The following LRP1B variants were observed in gnomAD, a reference collection of about 807,000 sequenced individuals.
LRP1B encodes the protein low-density lipoprotein receptor-related protein 1B.
LRP1B carries 217 observed loss-of-function variants against 556.6 expected under a neutral mutation model. The observed-to-expected ratio is 0.39, with a 90% confidence interval of 0.35 to 0.44. LRP1B has a LOEUF of 0.44. LRP1B is among the 20% of genes least tolerant of loss of function. The pLI, the probability that LRP1B is intolerant of heterozygous loss-of-function variation, is 1.00. For missense variants in LRP1B, 5,053 were observed against 5,620.8 expected (o/e 0.90, Z 3.23); for synonymous variants, 2,047 against 1,865.8 (o/e 1.10, Z -2.50).
At chr2:140,276,374 C>T (rs181085926) in intron 84 of LRP1B, among the ~76,000 whole-genome samples, 90 of 151,940 alleles carry the variant, frequency 5.9e-4, no homozygotes, top group African/African-American at 1.9e-3. Context: ...CCTATTAATA[C>T]GGGTTTTGGC....
chr2:140,330,241 T>TAAC (rs1433057086), intron 79 of LRP1B, among the ~76,000 whole-genome samples: 20 of 141,540 alleles, frequency 1.4e-4, no homozygotes. Flanking sequence ...ATAATAATAA[T>TAAC]ATGGAGCCAA....
chr2:141,868,747 G>A (rs1698490964), intron 1 of LRP1B, among the ~76,000 whole-genome samples: 2 of 152,082 alleles, frequency 1.3e-5, no homozygotes, highest in African/African-American at 4.8e-5. Flanking sequence ...TAATGGTGAA[G>A]ATTCTAACTT....
intron 41 of LRP1B, among the ~76,000 whole-genome samples, chr2:140,699,885 C>T (rs10197522): frequency 0.22 from 32,847 of 147,074 alleles, 4,378 homozygotes; most frequent in African/African-American, 0.37. Context: ...TATTACTGAA[C>T]AGATATTCTT....
intron 1 of LRP1B, among the ~76,000 whole-genome samples, chr2:142,104,247 C>T (rs1287652454): frequency 6.6e-6 from 1 of 152,102 alleles, no homozygotes; most frequent in African/African-American, 2.4e-5. Flanking sequence ...TACAGGTCTA[C>T]TAATGCCAAC....
chr2:140,331,749 G>A (rs1481310384), intron 79 of LRP1B, among the ~76,000 whole-genome samples: 2 of 151,168 alleles, frequency 1.3e-5, no homozygotes, highest in East Asian at 3.9e-4. Context: ...AGGCAGGAGT[G>A]TAATGGTGGG....
intron 59 of LRP1B, among the ~76,000 whole-genome samples, chr2:140,479,783 T>C (rs922967707): frequency 3.3e-5 from 5 of 152,216 alleles, no homozygotes; most frequent in African/African-American, 1.2e-4. Flanking sequence ...TTTAAAAAAG[T>C]TTTTCTTATG....
At chr2:140,434,487 GA>G (rs750824350) in intron 66 of LRP1B, among the ~76,000 whole-genome samples, 1 of 152,146 alleles carries the variant, frequency 6.6e-6, no homozygotes, top group East Asian at 1.9e-4. Context: ...ATTAATTAGA[GA>G]GGTAATATTT....
chr2:141,000,073 C>T (rs759944425), intron 15 of LRP1B, among the ~76,000 whole-genome samples: 12 of 150,704 alleles, frequency 8.0e-5, no homozygotes, highest in Non-Finnish European at 1.3e-4. Flanking sequence ...CACCACCATG[C>T]CTGGCTCATT....
In LRP1B at chr2:141,841,424, G is replaced by A. The variant is rs544226744; in HGVS notation, c.83-31023C>T. On this transcript the variant is annotated intron_variant, in intron 1 of 90. Coordinates refer to ENST00000389484, the MANE Select transcript of LRP1B (RefSeq NM_018557.3). ...CATTTGCAAAATTGAGTGTTAAAAT[G>A]GAAAAAAGTATATATTTTTCCTTCA... Among the ~76,000 whole-genome samples the A allele has an allele frequency of 7.9e-5, 12 of 152,100 alleles. 1 individual carries two copies. The highest frequency in any genetic ancestry group is 2.9e-4 in the African/African-American group (12 of 41,500).
At chr2:141,240,155 C>G (rs142697543) in intron 5 of LRP1B, among the ~76,000 whole-genome samples, 2 of 151,988 alleles carry the variant, frequency 1.3e-5, no homozygotes, top group Non-Finnish European at 2.9e-5. Flanking sequence ...TTTCTCTTCT[C>G]AAGACTAAAA....
At chr2:141,774,879 C>T (rs1049429736) in intron 2 of LRP1B, among the ~76,000 whole-genome samples, 22 of 152,152 alleles carry the variant, frequency 1.4e-4, no homozygotes, top group African/African-American at 4.3e-4. Flanking sequence ...GCAGCCATGG[C>T]GACTCAAGTA....
chr2:141,100,409 C>A (rs1199507513), intron 7 of LRP1B, among the ~76,000 whole-genome samples: 4 of 152,082 alleles, frequency 2.6e-5, no homozygotes, highest in Admixed American at 6.6e-5. Flanking sequence ...ACAAGGATTG[C>A]AAATAAGCCT....
chr2:140,339,474 G>C (rs1422754964), intron 77 of LRP1B, among the ~76,000 whole-genome samples: 1 of 151,544 alleles, frequency 6.6e-6, no homozygotes, highest in Non-Finnish European at 1.5e-5. Flanking sequence ...TCATCTTGGT[G>C]TACATCTAAG....
intron 3 of LRP1B, among the ~76,000 whole-genome samples, chr2:141,328,974 T>A (rs1202960518): frequency 6.6e-6 from 1 of 152,210 alleles, no homozygotes; most frequent in Non-Finnish European, 1.5e-5. Flanking sequence ...AGTTCTAGCT[T>A]CTTTATTAGC....
chr2:140,541,184 G>A (rs1421280638), intron 44 of LRP1B, 86 bp from the exon 45 acceptor site: 2 of 1,068,858 alleles, frequency 1.9e-6, no homozygotes, highest in Non-Finnish European at 1.4e-6. Context: ...CTATTAGACT[G>A]CCTCAATCTC....
intron 3 of LRP1B, among the ~76,000 whole-genome samples, chr2:141,275,705 C>G (rs948454630): frequency 6.6e-6 from 1 of 151,782 alleles, no homozygotes; most frequent in Non-Finnish European, 1.5e-5. Context: ...AGAGTGAGAC[C>G]CTTTTTCAAA....
At chr2:141,580,480 C>T (rs1313970317) in intron 2 of LRP1B, among the ~76,000 whole-genome samples, 1 of 152,142 alleles carries the variant, frequency 6.6e-6, no homozygotes, top group African/African-American at 2.4e-5. Context: ...CTGGTGTGGA[C>T]TGAGAAATAT....
chr2:141,762,009 A>C (rs1458758250), intron 2 of LRP1B, among the ~76,000 whole-genome samples: 1 of 152,020 alleles, frequency 6.6e-6, no homozygotes, highest in Non-Finnish European at 1.5e-5. Context: ...TGAAAAGAAG[A>C]TTTTCACAGC....
At chr2:141,823,944 G>C (rs1696841089) in intron 1 of LRP1B, among the ~76,000 whole-genome samples, 1 of 152,140 alleles carries the variant, frequency 6.6e-6, no homozygotes, top group African/African-American at 2.4e-5. Flanking sequence ...AAAATGCTGT[G>C]ATTACAGGTG....
Sources: gnomAD v4.1 joint callset for allele counts (sites outside exome capture counted in the v4.1 genomes callset) on GRCh38, gnomAD v4.1.1 for gene constraint, MANE v1.5 for transcripts, NCBI Gene and HGNC (gene_info 2026-07-23, HGNC 2026-07-21) for gene names.